Variants in CNTNAP5 observed in about 807,000 individuals in gnomAD.
CNTNAP5 encodes contactin associated protein family member 5, also known as contactin-associated protein-like 5.
CNTNAP5 carries 72 observed loss-of-function variants against 150.2 expected under a neutral mutation model. The observed-to-expected ratio is 0.48, with a 90% CI of 0.40 to 0.58. CNTNAP5 has a LOEUF of 0.58. Among genes scored for constraint, CNTNAP5 ranks in the 20% least tolerant of loss-of-function variants. The pLI is 0.00. For missense variants in CNTNAP5, 1,636 were observed against 1,626.2 expected (o/e 1.01, Z -0.10); for synonymous variants, 672 against 619.8 (o/e 1.08, Z -1.25).
chr2:124,662,958 A>G (rs1027850272), intron 13 of CNTNAP5, among the ~76,000 whole-genome samples: 1 of 152,234 alleles, frequency 6.6e-6, no homozygotes, highest in Non-Finnish European at 1.5e-5. Context: ...AGCTGTTAAC[A>G]TTAGCCCAGC....
chr2:124,241,566 C>T (rs1375953294), intron 2 of CNTNAP5, among the ~76,000 whole-genome samples: 9 of 152,144 alleles, frequency 5.9e-5, no homozygotes. Flanking sequence ...GTTTCTTTCA[C>T]ATCACATGTT....
At chr2:124,657,085 A>G (rs951988620) in intron 13 of CNTNAP5, among the ~76,000 whole-genome samples, 9 of 152,200 alleles carry the variant, frequency 5.9e-5, no homozygotes, top group Non-Finnish European at 1.2e-4. Flanking sequence ...CAAGGAGAAC[A>G]TTAGGTCCCT....
chr2:124,414,547 C>T (rs75631143), intron 3 of CNTNAP5, among the ~76,000 whole-genome samples: 1,997 of 152,206 alleles, frequency 0.013, 36 homozygotes, highest in African/African-American at 0.045. Context: ...GATTGCAATA[C>T]TAAGGCTGCC....
At chr2:124,253,185 A>T (rs951498475) in intron 3 of CNTNAP5, among the ~76,000 whole-genome samples, 3 of 152,004 alleles carry the variant, frequency 2.0e-5, no homozygotes, top group African/African-American at 7.2e-5. Flanking sequence ...TAATGAAAAG[A>T]TATTGAAGAA....
chr2:124,749,827 A>G (rs921024897), intron 14 of CNTNAP5, among the ~76,000 whole-genome samples: 2 of 152,040 alleles, frequency 1.3e-5, no homozygotes, highest in African/African-American at 4.8e-5. Context: ...GTCTCCTCTT[A>G]CTTGGGAACA....
intron 1 of CNTNAP5, among the ~76,000 whole-genome samples, chr2:124,159,424 G>A (rs1457289138): frequency 6.6e-6 from 1 of 152,150 alleles, no homozygotes; most frequent in Non-Finnish European, 1.5e-5. Flanking sequence ...TGAGAGTGTG[G>A]CTGTGTTCCA....
intron 3 of CNTNAP5, among the ~76,000 whole-genome samples, chr2:124,320,478 C>T (rs892577366): frequency 1.3e-5 from 2 of 152,226 alleles, no homozygotes; most frequent in South Asian, 2.1e-4. Flanking sequence ...CCCCAAGTCC[C>T]GCATTTACTG....
chr2:124,688,815 C>A (rs1679244857), intron 13 of CNTNAP5, among the ~76,000 whole-genome samples: 1 of 152,016 alleles, frequency 6.6e-6, no homozygotes, highest in South Asian at 2.1e-4. Flanking sequence ...CAGGGTGAGA[C>A]TATGGGTGCC....
chr2:124,049,542 C>T (rs1681635660), intron 1 of CNTNAP5, among the ~76,000 whole-genome samples: 2 of 151,962 alleles, frequency 1.3e-5, no homozygotes, highest in Non-Finnish European at 2.9e-5. Context: ...TAGAGGAAAA[C>T]AAAATAATAA....
At chr2:124,831,083 A>G (rs935441147) in intron 19 of CNTNAP5, among the ~76,000 whole-genome samples, 1 of 152,042 alleles carries the variant, frequency 6.6e-6, no homozygotes, top group Non-Finnish European at 1.5e-5. Flanking sequence ...AATATATTTT[A>G]ATATCAAAGC....
rs376230723 is a variant in CNTNAP5, at chr2:124,779,545, G to A, written c.2752+6528G>A. Among the ~76,000 whole-genome samples the A allele has an allele frequency of 1.1e-4, 16 of 152,058 alleles. 1 individual carries two copies. The South Asian group carries it at 2.9e-3, about 28-fold the overall frequency. ...CTCACACACATACACACACACACAT[G>A]CTTCTTTTAAATCAAATTAATTTTC... On this transcript the variant is annotated intron_variant, in intron 17 of 23. Coordinates refer to ENST00000682447, the MANE Select transcript of CNTNAP5 (RefSeq NM_001367498.1).
At chr2:124,800,887 A>T (rs987715068) in intron 19 of CNTNAP5, among the ~76,000 whole-genome samples, 7 of 152,172 alleles carry the variant, frequency 4.6e-5, no homozygotes, top group African/African-American at 1.7e-4. Flanking sequence ...CACAGTCCTC[A>T]GGAGGTCCTG....
intron 7 of CNTNAP5, among the ~76,000 whole-genome samples, chr2:124,495,598 T>G (rs952217324): frequency 6.6e-6 from 1 of 152,152 alleles, no homozygotes; most frequent in African/African-American, 2.4e-5. Context: ...CTTCCTTCCA[T>G]TTCTAAAAAT....
chr2:124,173,536 C>T (rs115679346), intron 1 of CNTNAP5, among the ~76,000 whole-genome samples: 3 of 152,304 alleles, frequency 2.0e-5, no homozygotes, highest in Non-Finnish European at 4.4e-5. Context: ...TCAAACCAAC[C>T]ACAGCATTTT....
chr2:124,414,516 A>G (rs537052873), intron 3 of CNTNAP5, among the ~76,000 whole-genome samples: 1 of 152,260 alleles, frequency 6.6e-6, no homozygotes, highest in African/African-American at 2.4e-5. Context: ...GCTCTGGGAT[A>G]GTAGGACTTT....
intron 1 of CNTNAP5, among the ~76,000 whole-genome samples, chr2:124,030,027 T>A (rs1405404506): frequency 6.6e-6 from 1 of 152,152 alleles, no homozygotes; most frequent in Non-Finnish European, 1.5e-5. Flanking sequence ...GGTTTCTTCA[T>A]TCATCAAAAC....
chr2:124,763,677 A>G lies in CNTNAP5; in HGVS notation c.2240A>G (p.Asn747Ser). ...CTTAAATTTATGTTTTGCAGGACAAATGATACTGGCTTTCTTTCCTTCAAA... is the reference window on the plus strand; with the variant it reads ...CTTAAATTTATGTTTTGCAGGACAAGTGATACTGGCTTTCTTTCCTTCAAA... ...NCDADKDEWT[N>S]DTGFLSFKDH... The change falls in exon 15 of 24, where the codon AAT (asparagine) becomes AGT (serine). Residue 747 changes from asparagine (N) to serine (S), a missense_variant. Asn to Ser is a conservative substitution (Grantham distance 46, BLOSUM62 1). Transcript: ENST00000682447. The G allele has an allele frequency of 6.2e-7, 1 of 1,612,096 alleles. No individual in the cohort carries two copies. The highest frequency in any genetic ancestry group is 1.7e-5 in the Admixed American group (1 of 59,766).
chr2:124,060,682 G>T (rs982253383), intron 1 of CNTNAP5, among the ~76,000 whole-genome samples: 4 of 152,156 alleles, frequency 2.6e-5, no homozygotes, highest in Admixed American at 2.0e-4. Flanking sequence ...TGCATTATTA[G>T]CAGAACAAGC....
Position 124,458,311 on chromosome 2 carries a change from ATATAT to A in CNTNAP5, c.918+11375_918+11379del, listed in dbSNP as rs1558911620. ...TAATATTTTATATATATATATATAT[ATATAT>A]AAAATGGAATACTACTCAACCGTAA... is the stretch of plus-strand genomic sequence containing the variant. On this transcript the variant is annotated intron_variant, in intron 6 of 23. Coordinates refer to ENST00000682447, the MANE Select transcript of CNTNAP5 (RefSeq NM_001367498.1). Among the ~76,000 whole-genome samples the A allele has an allele frequency of 2.1e-3, 297 of 142,878 alleles. 3 individuals carry two copies. The highest frequency in any genetic ancestry group is 7.1e-3 in the African/African-American group (267 of 37,598). 93.7% of individuals were successfully genotyped at this position (142,878 alleles called of 152,430 possible). A position where few individuals can be genotyped will look rare whatever the true frequency, so the allele number is the denominator to read the frequency against.
Sources: gnomAD v4.1 joint callset for allele counts (sites outside exome capture counted in the v4.1 genomes callset) on GRCh38, gnomAD v4.1.1 for gene constraint, MANE v1.5 for transcripts, NCBI Gene and HGNC (gene_info 2026-07-23, HGNC 2026-07-21) for gene names.